CAVIN4: variants seen among roughly 807,000 people sequenced by gnomAD.
CAVIN4 encodes the protein caveolae associated protein 4, also known as caveolae-associated protein 4.
Under a neutral mutation model 18.6 loss-of-function variants are expected in CAVIN4, and 10 were observed. The ratio of observed to expected loss-of-function variants is 0.54; its 90% CI spans 0.33 to 0.91. The LOEUF (loss-of-function observed/expected upper bound fraction) is 0.91, where lower values mean the gene tolerates loss of function less well. CAVIN4 is among the 40% of genes least tolerant of loss of function. The pLI, the probability that CAVIN4 is intolerant of heterozygous loss-of-function variation, is 0.02. For synonymous variants in CAVIN4, 173 were observed against 164.8 expected, an observed-to-expected ratio of 1.05 and a Z score of -0.38; for missense variants, 459 against 440.5, an observed-to-expected ratio of 1.04 and a Z score of -0.38.
chr9:100,578,349 A>G lies in CAVIN4; in HGVS notation c.206A>G (p.Gln69Arg). 6.2e-7 allele frequency: 1 copy of G among 1,614,162 alleles called. No homozygotes were observed. The highest frequency in any genetic ancestry group is 8.5e-7 in the Non-Finnish European group (1 of 1,180,006). ...REMENAIKSV[Q>R]IDLLKLSQSH... Reference sequence around the variant, plus strand: ...ATGGAAAATGCCATAAAATCCGTCCAGATTGACCTGTTGAAGCTTTCACAG... The same window carrying G: ...ATGGAAAATGCCATAAAATCCGTCCGGATTGACCTGTTGAAGCTTTCACAG... The change falls in exon 1 of 2, where the codon CAG (glutamine) becomes CGG (arginine). Residue 69 changes from glutamine to arginine, a missense_variant. Gln to Arg is a conservative substitution (Grantham distance 43). Coordinates refer to ENST00000307584, the MANE Select transcript of CAVIN4 (RefSeq NM_001018116.2).
chr9:100,586,030 T>C lies in CAVIN4; in HGVS notation c.674T>C (p.Ile225Thr). The part of the protein sequence containing the change: ...DKKVNRIRTR[I>T]VTPERRERLR... ...AAAGTGAACAGAATTAGAACTAGAA[T>C]AGTGACCCCGGAGAGGAGAGAGAGG... The change falls in exon 2 of 2, where the codon ATA (isoleucine) becomes ACA (threonine). Residue 225 changes from isoleucine (I) to threonine (T), a missense_variant. Transcript: ENST00000307584. 1 of 1,613,992 alleles carries C rather than the reference T, an allele frequency of 6.2e-7. No individual in the cohort carries two copies. Among genetic ancestry groups the C allele is most frequent in the Non-Finnish European group, 8.5e-7 (1 of 1,179,994 alleles).
In CAVIN4 at chr9:100,578,311, G is replaced by C. The variant is rs947295697; in HGVS notation, c.168G>C (p.Glu56Asp). 3.1e-6 allele frequency: 5 copies of C among 1,613,976 alleles called. No homozygotes were observed. Among genetic ancestry groups the C allele is most frequent in the Non-Finnish European group, 4.2e-6 (5 of 1,180,006 alleles). The change falls in exon 1 of 2, where the codon GAG becomes GAC. Residue 56 changes from glutamate to aspartate, a missense_variant. Physicochemically the swap from Glu to Asp is conservative, Grantham distance 45 (BLOSUM62 2). Coordinates refer to ENST00000307584, the MANE Select transcript of CAVIN4 (RefSeq NM_001018116.2). The stretch of plus-strand genomic sequence containing the variant: ...AGGCAAGCCAGAAGAGAATAGAAGA[G>C]AGACACAGGGAAATGGAAAATGCCA... ...SVQASQKRIE[E>D]RHREMENAIK... is the part of the protein sequence containing the mutation.
rs147081785 is a variant in CAVIN4, at chr9:100,578,537, G to A, written c.394G>A (p.Val132Met). ...AATAATGAAGAAAAACAAATTCCGC[G>A]TGGTAATATTCCAGGTAAGCTTGCA... ...EEIMKKNKFR[V>M]VIFQEKFRCP... The change falls in exon 1 of 2, where the codon GTG (valine) becomes ATG (methionine). Residue 132 changes from valine to methionine, a missense_variant. By Grantham distance (21) the Val-to-Met change is conservative. Coordinates refer to ENST00000307584, the MANE Select transcript of CAVIN4 (RefSeq NM_001018116.2). 2.1e-5 allele frequency: 34 copies of A among 1,612,976 alleles called. No individual in the cohort carries two copies. Among genetic ancestry groups the A allele is most frequent in the Admixed American group, 6.7e-5 (4 of 59,986 alleles).
At position 100,578,315 on chromosome 9, in the gene CAVIN4, C is replaced by T. The variant is rs765039373; in HGVS notation, c.172C>T (p.His58Tyr). 3.1e-6 allele frequency: 5 copies of T among 1,614,008 alleles called. No individual in the cohort carries two copies. Among genetic ancestry groups the T allele is most frequent in the Middle Eastern group, 1.7e-4 (1 of 6,060 alleles). Residue 58 changes from histidine to tyrosine, a missense_variant, in exon 1 of 2, where the codon CAC becomes TAC. Coordinates refer to ENST00000307584, the MANE Select transcript of CAVIN4 (RefSeq NM_001018116.2). ...AAGCCAGAAGAGAATAGAAGAGAGA[C>T]ACAGGGAAATGGAAAATGCCATAAA... The part of the protein sequence containing the change: ...QASQKRIEER[H>Y]REMENAIKSV...
At chr9:100,581,812 C>T (rs1002566644) in intron 1 of CAVIN4, among the ~76,000 whole-genome samples, 1 of 152,086 alleles carries the variant, frequency 6.6e-6, no homozygotes, top group Non-Finnish European at 1.5e-5. Flanking sequence ...CCTCTCAGGC[C>T]GTGCCAACCC....
chr9:100,578,791 C>T (rs1839398903), intron 1 of CAVIN4, among the ~76,000 whole-genome samples: 1 of 152,168 alleles, frequency 6.6e-6, no homozygotes, highest in Non-Finnish European at 1.5e-5. Context: ...TGGCTCATAG[C>T]TTAGGCTATT....
At chr9:100,584,867 A>C (rs1839461297) in intron 1 of CAVIN4, among the ~76,000 whole-genome samples, 1 of 152,084 alleles carries the variant, frequency 6.6e-6, no homozygotes, top group Non-Finnish European at 1.5e-5. Flanking sequence ...AGAAGAAGAT[A>C]CCAGAAATCA....
chr9:100,578,548 C>G lies in CAVIN4; in HGVS notation c.405C>G (p.Phe135Leu). 1 of 1,612,794 alleles carries G rather than the reference C, an allele frequency of 6.2e-7. No individual in the cohort carries two copies. The highest frequency in any genetic ancestry group is 1.1e-5 in the South Asian group (1 of 91,006). Residue 135 changes from phenylalanine to leucine, a missense_variant, in exon 1 of 2, where the codon TTC (phenylalanine) becomes TTG (leucine). Transcript: ENST00000307584. ...AAAACAAATTCCGCGTGGTAATATTCCAGGTAAGCTTGCACTTGTGTTCAG... is the reference window on the plus strand; with the variant it reads ...AAAACAAATTCCGCGTGGTAATATTGCAGGTAAGCTTGCACTTGTGTTCAG... ...MKKNKFRVVI[F>L]QEKFRCPTSL...
chr9:100,576,904 A>G (rs1839363151), upstream of CAVIN4: 2 of 208,806 alleles, frequency 9.6e-6, no homozygotes, highest in Non-Finnish European at 1.9e-5. Flanking sequence ...TTATAAAGTC[A>G]TATCCACTTC....
chr9:100,585,912 A>C lies in CAVIN4; in HGVS notation c.556A>C (p.Arg186=). ...EYYVEESRSA[R]LRKSGKEHID... ...TTATGTTGAAGAAAGCAGATCTGCC[A>C]GGCTTAGGAAGTCAGGCAAGGAGCA... Residue 186 remains arginine (R), a synonymous_variant, in exon 2 of 2, where the codon AGG becomes CGG. Transcript: ENST00000307584. 6.2e-7 allele frequency: 1 copy of C among 1,614,204 alleles called. No individual in the cohort carries two copies. Among genetic ancestry groups the C allele is most frequent in the African/African-American group, 1.3e-5 (1 of 75,050 alleles).
In CAVIN4 at chr9:100,578,192, CG is replaced by C; in HGVS notation, c.50del (p.Arg17ProfsTer18). ...AAATGCTGATAAAATCCACCAGAAT[CG>C]CCTGTCGAGTGTTACAGAAGATGAA... ...ASNADKIHQN[R>X]LSSVTEDEDQ... On this transcript the variant is annotated frameshift_variant, in exon 1 of 2. Transcript: ENST00000307584. LOFTEE classifies it high-confidence loss of function. 1 of 1,613,952 alleles carries C rather than the reference CG, an allele frequency of 6.2e-7. No homozygotes were observed. Among genetic ancestry groups the C allele is most frequent in the Non-Finnish European group, 8.5e-7 (1 of 1,179,902 alleles).
At position 100,578,506 on chromosome 9, in the gene CAVIN4, A is replaced by C. The variant is rs1217440562; in HGVS notation, c.363A>C (p.Gln121His). The part of the protein sequence containing the change: ...QIHVKKVEVK[Q>H]EEIMKKNKFR... The stretch of plus-strand genomic sequence containing the variant: ...ATGTTAAAAAAGTTGAAGTCAAGCA[A>C]GAGGAAATAATGAAGAAAAACAAAT... Residue 121 changes from glutamine (Q) to histidine (H), a missense_variant, in exon 1 of 2, where the codon CAA becomes CAC. Transcript: ENST00000307584. 1 of 1,613,828 alleles carries C rather than the reference A, an allele frequency of 6.2e-7. No individual in the cohort carries two copies. Among genetic ancestry groups the C allele is most frequent in the Non-Finnish European group, 8.5e-7 (1 of 1,179,970 alleles).
rs369823650 is a variant in CAVIN4, at chr9:100,586,329, G to C, written c.973G>C (p.Val325Leu). ...ACCAGAACACGAGGCAGCCAGGCCG[G>C]TGTATCCTCCCCATGAAGGAAGGGA... Reference protein sequence around the residue: ...SEPEHEAARPVYPPHEGREIP... With the variant: ...SEPEHEAARPLYPPHEGREIP... The change falls in exon 2 of 2, where the codon GTG (valine) becomes CTG (leucine). Residue 325 changes from valine (V) to leucine (L), a missense_variant. By Grantham distance (32) the Val-to-Leu change is conservative. Transcript: ENST00000307584. 19 of 1,614,006 alleles carry C rather than the reference G, an allele frequency of 1.2e-5. No individual in the cohort carries two copies. The highest frequency in any genetic ancestry group is 1.6e-5 in the Non-Finnish European group (19 of 1,179,986).
intron 1 of CAVIN4, among the ~76,000 whole-genome samples, chr9:100,580,732 T>C (rs996848161): frequency 2.6e-5 from 4 of 152,212 alleles, no homozygotes; most frequent in South Asian, 2.1e-4. Context: ...TCTCTTCTCT[T>C]GTAAGAAATA....
rs973000508 is a variant in CAVIN4, at chr9:100,588,104, C to T, written c.*1653C>T. Among the ~76,000 whole-genome samples, 1 of 152,170 alleles carries T rather than the reference C, an allele frequency of 6.6e-6. No individual in the cohort carries two copies. The highest frequency in any genetic ancestry group is 1.5e-5 in the Non-Finnish European group (1 of 68,022). ...TTAAAATAATAAGTGTACACATATA[C>T]ACACAGGCATACATAAATCGGCTTT... is the stretch of plus-strand genomic sequence containing the variant. On this transcript the variant is annotated 3_prime_UTR_variant, in exon 2 of 2. Transcript: ENST00000307584.
intron 1 of CAVIN4, among the ~76,000 whole-genome samples, chr9:100,579,963 G>A (rs926226500): frequency 2.6e-5 from 4 of 152,090 alleles, no homozygotes; most frequent in African/African-American, 7.2e-5. Context: ...TTTAGGAAAA[G>A]TAATAGGAGA....
chr9:100,582,336 T>TTCTC (rs368359220), intron 1 of CAVIN4, among the ~76,000 whole-genome samples: 43 of 145,642 alleles, frequency 3.0e-4, no homozygotes, highest in Middle Eastern at 3.8e-3. Context: ...TTGGACCTCT[T>TTCTC]TCTCTCTCTC....
intron 1 of CAVIN4, among the ~76,000 whole-genome samples, chr9:100,585,452 CTG>C (rs1352503311): frequency 1.3e-5 from 2 of 152,174 alleles, no homozygotes; most frequent in African/African-American, 2.4e-5. Flanking sequence ...TAACCTCAAA[CTG>C]TGGAGCAGTC....
Position 100,578,353 on chromosome 9 carries a change from T to C in CAVIN4, c.210T>C (p.Ile70=), listed in dbSNP as rs771231885. 6.2e-7 allele frequency: 1 copy of C among 1,614,100 alleles called. No homozygotes were observed. Among genetic ancestry groups the C allele is most frequent in the South Asian group, 1.1e-5 (1 of 91,078 alleles). The change falls in exon 1 of 2, where the codon ATT becomes ATC. Residue 70 remains isoleucine, a synonymous_variant. Transcript: ENST00000307584. ...AAAATGCCATAAAATCCGTCCAGAT[T>C]GACCTGTTGAAGCTTTCACAGTCGC... ...EMENAIKSVQ[I]DLLKLSQSHS...
Sources: gnomAD v4.1 joint callset for allele counts (sites outside exome capture counted in the v4.1 genomes callset) on GRCh38, gnomAD v4.1.1 for gene constraint, MANE v1.5 for transcripts, NCBI Gene and HGNC (gene_info 2026-07-23, HGNC 2026-07-21) for gene names.